The following DDIAS variants were observed in gnomAD, a reference collection of about 807,000 sequenced individuals.
The protein encoded by DDIAS is DNA damage-induced apoptosis suppressor protein.
In DDIAS, 14 loss-of-function variants were observed where a neutral mutation model predicts 15.7. The observed-to-expected ratio is 0.89, with a 90% CI of 0.59 to 1.39. The LOEUF (loss-of-function observed/expected upper bound fraction) is 1.39, where lower values mean the gene tolerates loss of function less well. Among genes scored for constraint, DDIAS ranks in the 40% most tolerant of loss-of-function variants. DDIAS has a pLI of 0.00. For synonymous variants in DDIAS, 355 were observed against 395.9 expected, an observed-to-expected ratio of 0.90 and a Z score of 1.23; for missense variants, 1,035 against 1,130.9, an observed-to-expected ratio of 0.92 and a Z score of 1.22.
Position 82,910,592 on chromosome 11 carries a change from T to C in DDIAS, c.-116-2695T>C, listed in dbSNP as rs187507079. Among the ~76,000 whole-genome samples the C allele has an allele frequency of 8.9e-3, 1,244 of 139,382 alleles. 19 individuals carry two copies. The highest frequency in any genetic ancestry group is 0.034 in the African/African-American group (1,151 of 34,038). The allele number at this position is 139,382 out of a possible 152,430, so 91.4% of individuals were successfully genotyped here. ...TGCCACAGATCAAGCTTTTAATTTT[T>C]TCTCTCTCTCTCTCTTTTTTTTTTT... On this transcript the variant is annotated intron_variant, in intron 1 of 5. Coordinates refer to ENST00000533655, the MANE Select transcript of DDIAS (RefSeq NM_145018.4).
intron 3 of DDIAS, among the ~76,000 whole-genome samples, chr11:82,922,232 C>T (rs1402449636): frequency 6.6e-6 from 1 of 152,170 alleles, no homozygotes; most frequent in Admixed American, 6.5e-5. Context: ...GCTCTTTATG[C>T]TTCTTGTATT....
At chr11:82,926,074 A>G (rs1860855390) in intron 3 of DDIAS, among the ~76,000 whole-genome samples, 1 of 148,914 alleles carries the variant, frequency 6.7e-6, no homozygotes, top group African/African-American at 2.5e-5. Flanking sequence ...AATATATTCA[A>G]TCTTTGGCAA....
chr11:82,905,694 A>G (rs774772065), intron 1 of DDIAS, among the ~76,000 whole-genome samples: 38 of 152,238 alleles, frequency 2.5e-4, no homozygotes, highest in South Asian at 4.1e-4. Context: ...TCTGTCTCTT[A>G]CACTAGACTG....
At position 82,932,683 on chromosome 11, in the gene DDIAS, A is replaced by G. The variant is rs749347218; in HGVS notation, c.1345A>G (p.Asn449Asp). 1 of 1,614,084 alleles carries G rather than the reference A, an allele frequency of 6.2e-7. No homozygotes were observed. Among genetic ancestry groups the G allele is most frequent in the Admixed American group, 1.7e-5 (1 of 60,022 alleles). ...CAGTAGTAGGAAACATCATGTAGAT[A>G]ATGACATTGATAAATTTCATGCAGA... is the stretch of plus-strand genomic sequence containing the variant. ...DVSSRKHHVD[N>D]DIDKFHADHS... The change falls in exon 6 of 6, where the codon AAT becomes GAT. Residue 449 changes from asparagine to aspartate, a missense_variant. Coordinates refer to ENST00000533655, the MANE Select transcript of DDIAS (RefSeq NM_145018.4).
At chr11:82,904,553 T>G (rs1157141905) in intron 1 of DDIAS, among the ~76,000 whole-genome samples, 3 of 152,162 alleles carry the variant, frequency 2.0e-5, no homozygotes, top group Non-Finnish European at 2.9e-5. Context: ...TTACACACCA[T>G]GAGATAGTCT....
At chr11:82,930,313 ATT>A in intron 5 of DDIAS, 39 bp downstream of exon 5, 1 of 1,351,884 alleles carries the variant, frequency 7.4e-7, no homozygotes, top group Non-Finnish European at 1.0e-6. Context: ...ATCTGTTAAC[ATT>A]TCCATTGTAA....
intron 1 of DDIAS, among the ~76,000 whole-genome samples, chr11:82,905,749 T>C (rs1860416845): frequency 6.6e-6 from 1 of 152,152 alleles, no homozygotes; most frequent in Admixed American, 6.5e-5. Context: ...TGTCCATCAA[T>C]CACACTATCC....
intron 1 of DDIAS, among the ~76,000 whole-genome samples, chr11:82,909,692 C>A (rs565909245): frequency 2.3e-4 from 35 of 152,156 alleles, no homozygotes; most frequent in Non-Finnish European, 4.4e-4. Flanking sequence ...ACCTACCCTA[C>A]CATGTCCTTT....
At chr11:82,902,990 T>C (rs1408676663) in intron 1 of DDIAS, among the ~76,000 whole-genome samples, 2 of 152,202 alleles carry the variant, frequency 1.3e-5, no homozygotes, top group Admixed American at 6.5e-5. Flanking sequence ...AAGGAGTTGA[T>C]ACTGATGCCT....
chr11:82,930,138 TACTTTTTTTC>T lies in DDIAS; in HGVS notation c.276-18_276-9del. On this transcript the variant is annotated splice_polypyrimidine_tract_variant and intron_variant, in intron 4 of 5. Transcript: ENST00000533655. ...TCAAAGTTCATTGCTTCACATTTTT[TACTTTTTTTC>T]CAATCAAGGTACATTCAGGATCCTA... 1 of 1,411,888 alleles carries T rather than the reference TACTTTTTTTC, an allele frequency of 7.1e-7. No individual in the cohort carries two copies. Among genetic ancestry groups the T allele is most frequent in the Non-Finnish European group, 9.8e-7 (1 of 1,023,926 alleles). The allele number at this position is 1,411,888 out of a possible 1,614,324, so 87.5% of individuals were successfully genotyped here.
intron 3 of DDIAS, among the ~76,000 whole-genome samples, chr11:82,918,877 C>T (rs1860686363): frequency 6.6e-6 from 1 of 151,692 alleles, no homozygotes; most frequent in Admixed American, 6.6e-5. Context: ...GAGTTAAATT[C>T]TTGATTTGAC....
chr11:82,911,475 C>T (rs1385197408), intron 1 of DDIAS, among the ~76,000 whole-genome samples: 1 of 152,180 alleles, frequency 6.6e-6, no homozygotes, highest in Non-Finnish European at 1.5e-5. Flanking sequence ...AAAAGCAACT[C>T]GTCATAAGTT....
intron 3 of DDIAS, among the ~76,000 whole-genome samples, chr11:82,924,933 G>T (rs184816749): frequency 1.1e-4 from 16 of 152,160 alleles, no homozygotes; most frequent in Admixed American, 9.8e-4. Context: ...CCTTTCAGAG[G>T]CTCCTTGAAC....
intron 4 of DDIAS, among the ~76,000 whole-genome samples, chr11:82,929,703 C>CAAAAAAA: frequency 1.2e-5 from 1 of 86,376 alleles, no homozygotes; most frequent in South Asian, 4.1e-4. Flanking sequence ...GACTCTGTCT[C>CAAAAAAA]AAAAAAAAAA....
Position 82,934,225 on chromosome 11 carries a change from C to G in DDIAS, c.2887C>G (p.Leu963Val). 1.9e-6 allele frequency: 3 copies of G among 1,614,126 alleles called. No homozygotes were observed. Among genetic ancestry groups the G allele is most frequent in the Non-Finnish European group, 2.5e-6 (3 of 1,180,004 alleles). The part of the protein sequence containing the change: ...VLAAPQLHPI[L>V]GPDSCSEVKC... The stretch of plus-strand genomic sequence containing the variant: ...AGCAGCACCTCAGCTGCACCCTATT[C>G]TTGGACCTGATTCTTGTTCAGAAGT... Residue 963 changes from leucine (L) to valine (V), a missense_variant, in exon 6 of 6, where the codon CTT (leucine) becomes GTT (valine). Transcript: ENST00000533655.
intron 2 of DDIAS, 30 bp from the exon 3 acceptor site, chr11:82,914,693 A>C (rs756192318): frequency 5.2e-6 from 6 of 1,160,482 alleles, no homozygotes; most frequent in Non-Finnish European, 7.7e-6. Flanking sequence ...AAGATTTGCC[A>C]GTCATCCCAA....
chr11:82,913,978 C>T, intron 2 of DDIAS: 1 of 432,748 alleles, frequency 2.3e-6, no homozygotes. Context: ...CTCTTGTTGC[C>T]CAGGCTGAAG....
Position 82,933,203 on chromosome 11 carries a change from A to G in DDIAS, c.1865A>G (p.Asp622Gly), listed in dbSNP as rs1033937675. ...TATTGTAGGTGGTCCAAGAACCAAGATGACAGTTTTACAATTTGCAGGAAA... is the reference window on the plus strand; with the variant it reads ...TATTGTAGGTGGTCCAAGAACCAAGGTGACAGTTTTACAATTTGCAGGAAA... ...KQYCRWSKNQ[D>G]DSFTICRKLT... The change falls in exon 6 of 6, where the codon GAT becomes GGT. Residue 622 changes from aspartate (D) to glycine (G), a missense_variant. Coordinates refer to ENST00000533655, the MANE Select transcript of DDIAS (RefSeq NM_145018.4). 1.2e-6 allele frequency: 2 copies of G among 1,612,450 alleles called. No homozygotes were observed. Among genetic ancestry groups the G allele is most frequent in the South Asian group, 2.2e-5 (2 of 90,690 alleles).
chr11:82,906,361 A>G (rs1860430978), intron 1 of DDIAS, among the ~76,000 whole-genome samples: 1 of 152,140 alleles, frequency 6.6e-6, no homozygotes, highest in Non-Finnish European at 1.5e-5. Context: ...TATTTGATCC[A>G]CTAGAGGGCA....
Sources: allele counts gnomAD v4.1 joint callset (sites outside exome capture counted in the v4.1 genomes callset), GRCh38; gene constraint gnomAD v4.1.1; transcripts MANE v1.5; gene names NCBI Gene and HGNC (gene_info 2026-07-23, HGNC 2026-07-21).